RARB: variants seen among roughly 807,000 people sequenced by gnomAD.
RARB encodes the protein HBV-activated protein.
Under a neutral mutation model 51.9 loss-of-function variants are expected in RARB, and 17 were observed. That is an observed-to-expected ratio of 0.33 (90% confidence interval 0.22 to 0.49). The LOEUF (loss-of-function observed/expected upper bound fraction) is 0.49. Among genes scored for constraint, RARB ranks in the 20% least tolerant of loss-of-function variants. The pLI is 0.99. For synonymous variants in RARB, 215 were observed against 195.4 expected (o/e 1.10, Z -0.84); for missense variants, 369 against 550.8 (o/e 0.67, Z 3.30).
At chr3:24,928,480 C>T (rs1233698778) in intron 2 of RARB, among the ~76,000 whole-genome samples, 3 of 152,090 alleles carry the variant, frequency 2.0e-5, no homozygotes, top group East Asian at 1.9e-4. Context: ...TTAAAGGAAT[C>T]TTCTTTTATT....
At chr3:25,212,107 T>G (rs1041363934) in intron 5 of RARB, among the ~76,000 whole-genome samples, 2 of 152,192 alleles carry the variant, frequency 1.3e-5, no homozygotes, top group African/African-American at 4.8e-5. Context: ...AGTGACATTG[T>G]CAAAGACATT....
At chr3:25,198,901 C>T (rs563264040) in intron 5 of RARB, among the ~76,000 whole-genome samples, 1 of 152,184 alleles carries the variant, frequency 6.6e-6, no homozygotes, top group East Asian at 1.9e-4. Flanking sequence ...AAAACTAAAA[C>T]TAGAAATACC....
chr3:25,045,235 G>C (rs1698189682), intron 2 of RARB, among the ~76,000 whole-genome samples: 1 of 152,280 alleles, frequency 6.6e-6, no homozygotes, highest in East Asian at 1.9e-4. Flanking sequence ...CTCTGAGCCA[G>C]GAGGAGAGAC....
At chr3:24,891,666 A>T (rs1343640256) in intron 2 of RARB, among the ~76,000 whole-genome samples, 1 of 152,032 alleles carries the variant, frequency 6.6e-6, no homozygotes, top group African/African-American at 2.4e-5. Context: ...GTGTGGGGGG[A>T]ATCAGCCAAA....
intron 2 of RARB, among the ~76,000 whole-genome samples, chr3:24,924,164 G>A (rs764774665): frequency 6.6e-5 from 10 of 151,910 alleles, no homozygotes; most frequent in African/African-American, 7.3e-5. Context: ...GTTTGGAATC[G>A]GCTTCTTAAC....
chr3:24,931,102 A>G (rs563926982), intron 2 of RARB, among the ~76,000 whole-genome samples: 2 of 152,106 alleles, frequency 1.3e-5, no homozygotes, highest in South Asian at 2.1e-4. Context: ...CTGGAATTCA[A>G]ACCCAGACAG....
intron 2 of RARB, among the ~76,000 whole-genome samples, chr3:25,023,001 A>G (rs910586950): frequency 2.0e-5 from 3 of 152,162 alleles, no homozygotes; most frequent in African/African-American, 7.2e-5. Context: ...ATTTGCCCAA[A>G]TCACTTTAGC....
At chr3:25,446,526 G>A (rs550664664) in intron 1 of RARB, among the ~76,000 whole-genome samples, 21 of 152,244 alleles carry the variant, frequency 1.4e-4, no homozygotes, top group Admixed American at 1.1e-3. Flanking sequence ...AAAATGGGCC[G>A]GGCGCAGTGG....
intron 5 of RARB, among the ~76,000 whole-genome samples, chr3:25,178,003 C>T (rs560126658): frequency 7.2e-5 from 11 of 152,136 alleles, no homozygotes; most frequent in Admixed American, 2.0e-4. Context: ...AATGATTTCA[C>T]GTAACTCAGG....
chr3:25,104,851 C>G (rs1290609713), intron 3 of RARB, among the ~76,000 whole-genome samples: 1 of 152,102 alleles, frequency 6.6e-6, no homozygotes, highest in Admixed American at 6.5e-5. Flanking sequence ...CTGTTTGATA[C>G]CAGTGTAGAT....
chr3:25,043,351 T>C (rs1426896504), intron 2 of RARB, among the ~76,000 whole-genome samples: 5 of 152,240 alleles, frequency 3.3e-5, no homozygotes, highest in Non-Finnish European at 5.9e-5. Flanking sequence ...TTTGCATTCT[T>C]ACACCAGTGA....
chr3:25,449,618 A>G (rs1709101838), intron 1 of RARB, among the ~76,000 whole-genome samples: 1 of 152,144 alleles, frequency 6.6e-6, no homozygotes, highest in Non-Finnish European at 1.5e-5. Context: ...ACTTAAGACC[A>G]TTTAAGTTCA....
intron 1 of RARB, among the ~76,000 whole-genome samples, chr3:24,850,211 C>T (rs992453961): frequency 6.6e-6 from 1 of 152,160 alleles, no homozygotes; most frequent in African/African-American, 2.4e-5. Context: ...AACACAGTTG[C>T]ACTGGGGGTT....
chr3:25,106,964 G>A (rs542596311), intron 3 of RARB, among the ~76,000 whole-genome samples: 1 of 151,610 alleles, frequency 6.6e-6, no homozygotes, highest in African/African-American at 2.4e-5. Context: ...CCAGTGGCAC[G>A]ATCTCAGCTC....
chr3:25,319,543 A>G (rs1559355803), intron 5 of RARB, among the ~76,000 whole-genome samples: 1 of 152,154 alleles, frequency 6.6e-6, no homozygotes, highest in Non-Finnish European at 1.5e-5. Flanking sequence ...TGACCAACCA[A>G]AATTAAAGAG....
At chr3:25,310,578 G>A (rs1704264611) in intron 5 of RARB, among the ~76,000 whole-genome samples, 1 of 152,194 alleles carries the variant, frequency 6.6e-6, no homozygotes, top group Non-Finnish European at 1.5e-5. Flanking sequence ...CTTCAGATGT[G>A]ATTGTCCATG....
intron 2 of RARB, among the ~76,000 whole-genome samples, chr3:25,494,253 G>GCACACA (rs57081618): frequency 3.0e-4 from 40 of 131,966 alleles, no homozygotes; most frequent in East Asian, 1.0e-3. Flanking sequence ...TGTATCTTAC[G>GCACACA]CACACACACA....
At chr3:25,384,295 A>C (rs563347782) in intron 5 of RARB, among the ~76,000 whole-genome samples, 4 of 141,374 alleles carry the variant, frequency 2.8e-5, no homozygotes, top group Non-Finnish European at 4.9e-5. Flanking sequence ...TTCTCCCTTC[A>C]TTGTCTCTTC....
intron 5 of RARB, among the ~76,000 whole-genome samples, chr3:25,240,434 T>C (rs1236837629): frequency 6.6e-6 from 1 of 152,200 alleles, no homozygotes; most frequent in Admixed American, 6.5e-5. Flanking sequence ...TTTCAACTCT[T>C]TTCCATTTAG....
Sources: allele counts gnomAD v4.1 joint callset (sites outside exome capture counted in the v4.1 genomes callset), GRCh38; gene constraint gnomAD v4.1.1; transcripts MANE v1.5; gene names NCBI Gene and HGNC (gene_info 2026-07-23, HGNC 2026-07-21).